Variants in AKTIP observed in about 807,000 individuals in gnomAD.
The protein encoded by AKTIP is AKT-interacting protein.
A neutral mutation model predicts 39.1 loss-of-function variants in AKTIP; 16 were observed. That is an observed-to-expected ratio of 0.41 (90% CI 0.28 to 0.62). The LOEUF (loss-of-function observed/expected upper bound fraction) is 0.62, where lower values mean the gene tolerates loss of function less well. Among genes scored for constraint, AKTIP ranks in the 20% least tolerant of loss-of-function variants. The pLI, the probability that AKTIP is intolerant of heterozygous loss-of-function variation, is 0.32. For synonymous variants in AKTIP, 93 were observed against 124.3 expected, an observed-to-expected ratio of 0.75 and a Z score of 1.67; for missense variants, 262 against 356.6, an observed-to-expected ratio of 0.73 and a Z score of 2.14.
intron 4 of AKTIP, 42 bp from the exon 5 acceptor site, chr16:53,495,215 G>A (rs1007212684): frequency 1.2e-6 from 2 of 1,612,890 alleles, no homozygotes. Flanking sequence ...AATTTGTGTG[G>A]GAGGAACTAA....
At chr16:53,496,223 T>C (rs1163522661) in intron 3 of AKTIP, among the ~76,000 whole-genome samples, 1 of 152,216 alleles carries the variant, frequency 6.6e-6, no homozygotes, top group Non-Finnish European at 1.5e-5. Context: ...TTTAAGTTGC[T>C]AAAATTCAGC....
intron 1 of AKTIP, chr16:53,501,536 CCTT>C (rs543738542): frequency 6.2e-4 from 94 of 152,344 alleles, no homozygotes; most frequent in African/African-American, 2.2e-3. Flanking sequence ...AAGCAGAGCT[CCTT>C]CTCTGAATTC....
At position 53,496,499 on chromosome 16, in the gene AKTIP, CT is replaced by C. The variant is rs576422100; in HGVS notation, c.249-1174del. On this transcript the variant is annotated intron_variant, in intron 3 of 9. Coordinates refer to ENST00000394657, the MANE Select transcript of AKTIP (RefSeq NM_022476.4). ...TACATCCAGGGAGGGGTCAAGGATG[CT>C]TTTTTTTTTTTTTTTTTTGGTTTAA... Among the ~76,000 whole-genome samples, 577 of 79,006 alleles carry C rather than the reference CT, an allele frequency of 7.3e-3. 1 individual carries two copies. The highest frequency in any genetic ancestry group is 0.019 in the Middle Eastern group (2 of 106). 51.8% of individuals were successfully genotyped at this position (79,006 alleles called of 152,430 possible).
Position 53,498,490 on chromosome 16 carries a change from A to G in AKTIP, c.149T>C (p.Ile50Thr). 6.2e-7 allele frequency: 1 copy of G among 1,613,952 alleles called. No individual in the cohort carries two copies. The highest frequency in any genetic ancestry group is 8.5e-7 in the Non-Finnish European group (1 of 1,179,822). Residue 50 changes from isoleucine to threonine, a missense_variant, in exon 3 of 10, where the codon ATA becomes ACA. By Grantham distance (89) the Ile-to-Thr change is moderately conservative. This residue lies in a region of AKTIP where 88 missense variants were observed against 132.1 expected (regional missense o/e 0.67). Transcript: ENST00000394657. The stretch of plus-strand genomic sequence containing the variant: ...TGGGGCAGGAGATGTAGGCTTAGTT[A>G]TGGGCAAAGCATTTTTGGGAATAGA... ...LPSIPKNALP[I>T]TKPTSPAPAA... is the part of the protein sequence containing the mutation.
Position 53,500,223 on chromosome 16 carries a change from G to T in AKTIP, c.37C>A (p.Arg13Ser). The change falls in exon 2 of 10, where the codon CGC (arginine) becomes AGC (serine). Residue 13 changes from arginine (R) to serine (S), a missense_variant. Physicochemically the swap from Arg to Ser is moderately radical, Grantham distance 110. This residue lies in a region of AKTIP where 88 missense variants were observed against 132.1 expected (regional missense o/e 0.67). Coordinates refer to ENST00000394657, the MANE Select transcript of AKTIP (RefSeq NM_022476.4). ...AATTTATCAACTATACCTACTTTGC[G>T]TACAGAGCTTGTAGACATGCTCCAG... ...PFWSMSTSSV[R>S]KRSEGEEKTL... 1 of 1,610,630 alleles carries T rather than the reference G, an allele frequency of 6.2e-7. No individual in the cohort carries two copies. The highest frequency in any genetic ancestry group is 8.5e-7 in the Non-Finnish European group (1 of 1,177,748).
Position 53,498,452 on chromosome 16 carries a change from T to C in AKTIP, c.187A>G (p.Thr63Ala), listed in dbSNP as rs1021665141. The change falls in exon 3 of 10, where the codon ACA becomes GCA. Residue 63 changes from threonine to alanine, a missense_variant. Thr to Ala is a moderately conservative substitution (Grantham distance 58, BLOSUM62 0). Transcript: ENST00000394657. ...CCATAGGACGCATGCGTGCCATTTGTTGACTGTGCTGCTGGGGCAGGAGAT... is the reference window on the plus strand; with the variant it reads ...CCATAGGACGCATGCGTGCCATTTGCTGACTGTGCTGCTGGGGCAGGAGAT... ...PTSPAPAAQS[T>A]NGTHASYGPF... 6 of 1,613,942 alleles carry C rather than the reference T, an allele frequency of 3.7e-6. No homozygotes were observed. In the African/African-American group the frequency reaches 6.7e-5, roughly 18 times the overall value.
rs1044968841 is a variant in AKTIP at position 53,494,435 on chromosome 16, C to T, written c.506G>A (p.Arg169Gln). 8 of 1,613,950 alleles carry T rather than the reference C, an allele frequency of 5.0e-6. No individual in the cohort carries two copies. Among genetic ancestry groups the T allele is most frequent in the East Asian group, 4.5e-5 (2 of 44,902 alleles). Residue 169 changes from arginine (R) to glutamine (Q), a missense_variant and splice_region_variant, in exon 7 of 10, where the codon CGG becomes CAG. Physicochemically the swap from Arg to Gln is conservative, Grantham distance 43 (BLOSUM62 1). This residue lies in a region of AKTIP where 145 missense variants were observed against 159.3 expected (regional missense o/e 0.91). Coordinates refer to ENST00000394657, the MANE Select transcript of AKTIP (RefSeq NM_022476.4). ...TACCTGCCAAATATGATTATGGTTC[C>T]GCCTAAAGGGAAACATGGCGTGATT... Reference protein sequence around the residue: ...DVKRAFAKWRRNHNHIWQVLM... With the variant: ...DVKRAFAKWRQNHNHIWQVLM...
chr16:53,495,446 C>T, intron 3 of AKTIP, 120 bp from the exon 4 acceptor site: 1 of 883,818 alleles, frequency 1.1e-6, no homozygotes, highest in Non-Finnish European at 1.8e-6. Context: ...TGCCCAAACC[C>T]TGCAAGCCAA....
At position 53,499,583 on chromosome 16, in the gene AKTIP, C is replaced by T. The variant is rs1293116595; in HGVS notation, c.42+635G>A. 1.2e-4 allele frequency among the ~76,000 whole-genome samples: 18 copies of T among 151,914 alleles called. No individual in the cohort carries two copies. The East Asian group carries it at 3.3e-3, about 28-fold the overall frequency. On this transcript the variant is annotated intron_variant, in intron 2 of 9. Coordinates refer to ENST00000394657, the MANE Select transcript of AKTIP (RefSeq NM_022476.4). The stretch of plus-strand genomic sequence containing the variant: ...GACGCCATTCTCCTGCCTCAGCTTC[C>T]TGAGAAGCTGGGACAACAGGCGCCC...
chr16:53,496,939 G>A (rs376150244), intron 3 of AKTIP, among the ~76,000 whole-genome samples: 1 of 152,202 alleles, frequency 6.6e-6, no homozygotes, highest in East Asian at 1.9e-4. Context: ...CTGAGTAGCC[G>A]GGACTATAGG....
chr16:53,499,138 A>G (rs1221473301), intron 2 of AKTIP, among the ~76,000 whole-genome samples: 1 of 152,262 alleles, frequency 6.6e-6, no homozygotes, highest in East Asian at 1.9e-4. Flanking sequence ...TTCAAATATC[A>G]CCAGCATAAA....
Position 53,492,356 on chromosome 16 carries a change from T to C in AKTIP, c.*56A>G. On this transcript the variant is annotated 3_prime_UTR_variant, in exon 10 of 10. Transcript: ENST00000394657. ...AGGCAGTCCTCTGCCATTGGTCAGC[T>C]TGAACTAGGCCAGAGTCTAGCAGGA... 3 of 1,502,092 alleles carry C rather than the reference T, an allele frequency of 2.0e-6. No individual in the cohort carries two copies. The highest frequency in any genetic ancestry group is 2.3e-5 in the East Asian group (1 of 44,264). The allele number at this position is 1,502,092 out of a possible 1,614,324, so 93.0% of individuals were successfully genotyped here.
intron 1 of AKTIP, chr16:53,501,710 A>G (rs1207468204): frequency 6.6e-6 from 1 of 152,186 alleles, no homozygotes; most frequent in Non-Finnish European, 1.5e-5. Context: ...GACGTACCCA[A>G]CCCAGGTCAT....
intron 3 of AKTIP, among the ~76,000 whole-genome samples, chr16:53,496,406 A>G (rs762101414): frequency 5.6e-4 from 84 of 151,164 alleles, no homozygotes; most frequent in Non-Finnish European, 8.4e-4. Flanking sequence ...ACCAAATCAT[A>G]CCCAGCCTTT....
intron 3 of AKTIP, among the ~76,000 whole-genome samples, chr16:53,497,672 G>A (rs1489630793): frequency 6.6e-6 from 1 of 152,142 alleles, no homozygotes. Flanking sequence ...CTCTCCCACT[G>A]TCCTACTCTC....
intron 2 of AKTIP, 141 bp downstream of exon 2, chr16:53,500,077 G>T (rs74698263): frequency 2.4e-4 from 135 of 571,214 alleles, no homozygotes; most frequent in Non-Finnish European, 3.5e-4. Flanking sequence ...TTTCTCAAGA[G>T]TAAACCCTTA....
rs1274570416 is a variant in AKTIP, at chr16:53,500,210, A to G, written c.42+8T>C. The G allele has an allele frequency of 6.9e-6, 11 of 1,603,814 alleles. No individual in the cohort carries two copies. Among genetic ancestry groups the G allele is most frequent in the Admixed American group, 1.7e-5 (1 of 59,444 alleles). On this transcript the variant is annotated splice_region_variant and intron_variant, in intron 2 of 9. Transcript: ENST00000394657. ...GGTTTTCTTACTGAATTTATCAACT[A>G]TACCTACTTTGCGTACAGAGCTTGT...
chr16:53,504,087 T>C (rs1962336976), upstream of AKTIP, among the ~76,000 whole-genome samples: 1 of 147,036 alleles, frequency 6.8e-6, no homozygotes, highest in Non-Finnish European at 1.5e-5. Flanking sequence ...TAGTTCCTGG[T>C]CTTTTTTTTT....
At chr16:53,496,100 C>T (rs1961816718) in intron 3 of AKTIP, among the ~76,000 whole-genome samples, 2 of 152,232 alleles carry the variant, frequency 1.3e-5, no homozygotes, top group African/African-American at 4.8e-5. Context: ...CATTAACCTA[C>T]CAATCCTGGA....
Sources: allele counts gnomAD v4.1 joint callset (sites outside exome capture counted in the v4.1 genomes callset), GRCh38; gene constraint gnomAD v4.1.1; regional missense constraint gnomAD v4.1.1; transcripts MANE v1.5; gene names NCBI Gene and HGNC (gene_info 2026-07-23, HGNC 2026-07-21).